Variants in MACROD2 observed in about 807,000 individuals in gnomAD.
The protein encoded by MACROD2 is ADP-ribose glycohydrolase MACROD2.
Under a neutral mutation model 70.4 loss-of-function variants are expected in MACROD2, and 36 were observed. That is an observed-to-expected ratio of 0.51 (90% confidence interval 0.39 to 0.68). The LOEUF (loss-of-function observed/expected upper bound fraction) is 0.68. Ranked by LOEUF, MACROD2 falls within the 30% of genes least tolerant of loss-of-function variation. MACROD2 has a pLI of 0.00. For missense variants in MACROD2, 496 were observed against 538.4 expected, an observed-to-expected ratio of 0.92 and a Z score of 0.78; for synonymous variants, 172 against 178.8, an observed-to-expected ratio of 0.96 and a Z score of 0.30.
chr20:14,255,255 G>T (rs542977139), intron 3 of MACROD2, among the ~76,000 whole-genome samples: 2 of 152,216 alleles, frequency 1.3e-5, no homozygotes, highest in Admixed American at 1.3e-4. Flanking sequence ...AGACCCATCA[G>T]GGTGCAAAGC....
At chr20:15,960,553 C>CA (rs2147389730) in intron 12 of MACROD2, among the ~76,000 whole-genome samples, 1 of 152,158 alleles carries the variant, frequency 6.6e-6, no homozygotes, top group Non-Finnish European at 1.5e-5. Context: ...TCTCAGGAAG[C>CA]ACAGGTGAGG....
At chr20:14,327,594 T>A in intron 3 of MACROD2, 1 of 1,381,090 alleles carries the variant, frequency 7.2e-7, no homozygotes, top group Non-Finnish European at 9.7e-7. Context: ...CAGAAAACAA[T>A]AAGGCCAGCA....
chr20:14,736,440 C>G (rs1295819955), intron 5 of MACROD2, among the ~76,000 whole-genome samples: 1 of 152,122 alleles, frequency 6.6e-6, no homozygotes, highest in Non-Finnish European at 1.5e-5. Context: ...TACTGAAAGT[C>G]ACTGGATTGT....
At chr20:14,771,849 T>C (rs1400251661) in intron 5 of MACROD2, among the ~76,000 whole-genome samples, 3 of 152,032 alleles carry the variant, frequency 2.0e-5, no homozygotes, top group African/African-American at 7.3e-5. Context: ...TAATTCTTTT[T>C]TTCTTTTTTG....
intron 4 of MACROD2, among the ~76,000 whole-genome samples, chr20:14,596,414 TATA>T (rs1184257853): frequency 3.1e-5 from 3 of 97,872 alleles, no homozygotes; most frequent in Non-Finnish European, 5.4e-5. Context: ...TTTTTAAACA[TATA>T]TATATATATA....
At chr20:14,391,336 C>T (rs1014734917) in intron 3 of MACROD2, among the ~76,000 whole-genome samples, 7 of 152,076 alleles carry the variant, frequency 4.6e-5, no homozygotes, top group African/African-American at 1.7e-4. Context: ...TGGATGGAGC[C>T]GGAGGCCATT....
intron 3 of MACROD2, among the ~76,000 whole-genome samples, chr20:14,444,166 A>G (rs1257160428): frequency 6.6e-6 from 1 of 152,124 alleles, no homozygotes; most frequent in African/African-American, 2.4e-5. Context: ...AGCATAAGAA[A>G]AAGTTTAGGA....
chr20:15,770,906 C>CTGCTGACA, intron 8 of MACROD2, among the ~76,000 whole-genome samples: 1 of 152,280 alleles, frequency 6.6e-6, no homozygotes, highest in East Asian at 1.9e-4. Flanking sequence ...CGTGTCCAAT[C>CTGCTGACA]TGCTGACATT....
intron 5 of MACROD2, among the ~76,000 whole-genome samples, chr20:14,710,073 A>C (rs182457443): frequency 6.6e-6 from 1 of 152,332 alleles, no homozygotes; most frequent in Admixed American, 6.5e-5. Flanking sequence ...TATAAAAGCA[A>C]ATTTGTATAG....
chr20:14,708,375 G>A (rs536805902), intron 5 of MACROD2, among the ~76,000 whole-genome samples: 57 of 152,266 alleles, frequency 3.7e-4, no homozygotes, highest in African/African-American at 1.3e-3. Context: ...CAATGTAAAT[G>A]TAAGGGTGTG....
intron 8 of MACROD2, among the ~76,000 whole-genome samples, chr20:15,709,144 A>G (rs1231177564): frequency 6.6e-6 from 1 of 152,134 alleles, no homozygotes; most frequent in African/African-American, 2.4e-5. Flanking sequence ...CACCTATAGG[A>G]AAAGCACCTA....
intron 3 of MACROD2, among the ~76,000 whole-genome samples, chr20:14,264,200 C>T (rs911556700): frequency 2.6e-5 from 4 of 151,962 alleles, no homozygotes; most frequent in South Asian, 2.1e-4. Context: ...CACTACTGGA[C>T]GTACCAGGAA....
At chr20:14,711,098 G>A (rs1181328954) in intron 5 of MACROD2, among the ~76,000 whole-genome samples, 1 of 152,140 alleles carries the variant, frequency 6.6e-6, no homozygotes, top group Non-Finnish European at 1.5e-5. Flanking sequence ...GCACCAGGTC[G>A]AAAATTCAAG....
At chr20:15,676,959 G>A (rs770975590) in intron 8 of MACROD2, among the ~76,000 whole-genome samples, 1 of 152,180 alleles carries the variant, frequency 6.6e-6, no homozygotes, top group Non-Finnish European at 1.5e-5. Context: ...TGATGGGGAT[G>A]CAATCTAAGT....
intron 5 of MACROD2, among the ~76,000 whole-genome samples, chr20:14,955,864 C>T (rs2074532002): frequency 6.6e-6 from 1 of 152,044 alleles, no homozygotes; most frequent in Non-Finnish European, 1.5e-5. Flanking sequence ...AAAGGAATGT[C>T]AGGGAAGGAG....
intron 8 of MACROD2, among the ~76,000 whole-genome samples, chr20:15,504,669 A>G (rs1477306234): frequency 6.6e-6 from 1 of 152,192 alleles, no homozygotes; most frequent in Admixed American, 6.5e-5. Flanking sequence ...TTTCAGCTAA[A>G]TTAAGTATTA....
intron 3 of MACROD2, among the ~76,000 whole-genome samples, chr20:14,154,389 C>CTT (rs1183052263): frequency 1.8e-4 from 25 of 136,422 alleles, no homozygotes; most frequent in South Asian, 4.7e-4. Flanking sequence ...CTTTTCTTTT[C>CTT]TTTTTTTTTT....
intron 3 of MACROD2, among the ~76,000 whole-genome samples, chr20:14,196,460 A>G (rs1457541215): frequency 6.6e-6 from 1 of 152,222 alleles, no homozygotes; most frequent in Non-Finnish European, 1.5e-5. Flanking sequence ...GTTATAATGA[A>G]GTAGAATATT....
intron 4 of MACROD2, among the ~76,000 whole-genome samples, chr20:14,517,703 ATGTAT>A (rs1445312205): frequency 6.6e-6 from 1 of 152,098 alleles, no homozygotes; most frequent in Non-Finnish European, 1.5e-5. Context: ...GTTTAATTTG[ATGTAT>A]TGTATATAGG....
Sources: allele counts gnomAD v4.1 joint callset (sites outside exome capture counted in the v4.1 genomes callset), GRCh38; gene constraint gnomAD v4.1.1; transcripts MANE v1.5; gene names NCBI Gene and HGNC (gene_info 2026-07-23, HGNC 2026-07-21).